The following DACH2 variants were observed in gnomAD, a reference collection of about 807,000 sequenced individuals.
DACH2 encodes dachshund family transcription factor 2.
Under a neutral mutation model 35.8 loss-of-function variants are expected in DACH2, and 17 were observed. That is an observed-to-expected ratio of 0.48 (90% confidence interval 0.33 to 0.71). The LOEUF is 0.71. Among genes scored for constraint, DACH2 ranks in the 30% least tolerant of loss-of-function variants. The pLI, the probability that DACH2 is intolerant of heterozygous loss-of-function variation, is 0.02. For synonymous variants in DACH2, 195 were observed against 177.3 expected, an observed-to-expected ratio of 1.10 and a Z score of -0.79; for missense variants, 469 against 472.7, an observed-to-expected ratio of 0.99 and a Z score of 0.07.
intron 11 of DACH2, 45 bp from the exon 12 acceptor site, chrX:86,832,061 A>G: frequency 2.1e-6 from 2 of 944,329 alleles, no homozygotes; most frequent in South Asian, 2.2e-5. Flanking sequence ...AGCACGTATC[A>G]GAATGACTCT....
At chrX:86,242,554 A>G (rs957453777) in intron 1 of DACH2, among the ~76,000 whole-genome samples, 1 of 111,454 alleles carries the variant, frequency 9.0e-6, no homozygotes, top group African/African-American at 3.3e-5. Flanking sequence ...ACTTATTTGG[A>G]CTTTTGAGTT....
chrX:86,617,246 C>T (rs368893937), intron 3 of DACH2, among the ~76,000 whole-genome samples: 7 of 110,334 alleles, frequency 6.3e-5, no homozygotes, highest in Admixed American at 4.8e-4. Flanking sequence ...GCTATTTAGG[C>T]TCTTTTTTTT....
chrX:86,282,774 C>CTTTTTTTTTTTTTTTT (rs746321715), intron 1 of DACH2, among the ~76,000 whole-genome samples: 1 of 37,753 alleles, frequency 2.6e-5, no homozygotes, highest in African/African-American at 3.1e-4. Flanking sequence ...ACAGACACTT[C>CTTTTTTTTTTTTTTTT]TTTTTTTTTT....
intron 2 of DACH2, among the ~76,000 whole-genome samples, chrX:86,492,976 G>A (rs1442184001): frequency 9.0e-6 from 1 of 111,066 alleles, no homozygotes; most frequent in South Asian, 3.8e-4. Flanking sequence ...TCAAGTAATC[G>A]AATTTCTGGG....
At chrX:86,419,024 C>T (rs2036756513) in intron 2 of DACH2, among the ~76,000 whole-genome samples, 1 of 111,642 alleles carries the variant, frequency 9.0e-6, no homozygotes, top group South Asian at 3.8e-4. Flanking sequence ...TGCCTTTGCT[C>T]CAGTTCCCAG....
intron 3 of DACH2, among the ~76,000 whole-genome samples, chrX:86,556,413 A>G (rs1056389759): frequency 1.8e-5 from 2 of 110,599 alleles, no homozygotes; most frequent in African/African-American, 6.6e-5. Context: ...TCACACTGCT[A>G]GTGAATCAGT....
Position 86,716,568 on chromosome X carries a change from G to A in DACH2, c.1104+1848G>A, listed in dbSNP as rs143248727. Among the ~76,000 whole-genome samples the A allele has an allele frequency of 3.6e-3, 402 of 111,280 alleles. 4 individuals are homozygous for A. The highest frequency in any genetic ancestry group is 0.013 in the African/African-American group (383 of 30,609). On this transcript the variant is annotated intron_variant, in intron 6 of 11. Coordinates refer to ENST00000373125, the MANE Select transcript of DACH2 (RefSeq NM_053281.3). ...CAAACAAAAGCACTTCAAAGTAATG[G>A]TATTGTTATACTGGCTTTGGAATGA...
At chrX:86,470,142 G>A (rs1443642662) in intron 2 of DACH2, among the ~76,000 whole-genome samples, 1 of 108,901 alleles carries the variant, frequency 9.2e-6, no homozygotes, top group East Asian at 2.8e-4. Context: ...ACAAAAAAGT[G>A]ATAAAAAGTC....
chrX:86,771,655 C>A (rs943127881), intron 7 of DACH2, among the ~76,000 whole-genome samples: 1 of 111,782 alleles, frequency 8.9e-6, no homozygotes, highest in African/African-American at 3.2e-5. Context: ...GAAAATGCAG[C>A]GTTCACAAAA....
At chrX:86,383,700 C>T (rs1280049631) in intron 2 of DACH2, among the ~76,000 whole-genome samples, 2 of 106,722 alleles carry the variant, frequency 1.9e-5, no homozygotes, top group Middle Eastern at 8.5e-3. Context: ...GGATTACCTA[C>T]ATTCTTGTCC....
chrX:86,815,918 C>A (rs2042446650), intron 10 of DACH2, 116 bp from the exon 11 acceptor site: 1 of 445,489 alleles, frequency 2.2e-6, no homozygotes, highest in Non-Finnish European at 3.4e-6. Flanking sequence ...ACAAAAATGC[C>A]ACCCAAGGTC....
At chrX:86,424,541 C>G (rs1022354648) in intron 2 of DACH2, among the ~76,000 whole-genome samples, 4 of 111,625 alleles carry the variant, frequency 3.6e-5, no homozygotes, top group African/African-American at 1.3e-4. Context: ...ATCCTGCCAA[C>G]TTACTGAATT....
chrX:86,781,006 G>T (rs1371360933), intron 7 of DACH2, among the ~76,000 whole-genome samples: 1 of 111,222 alleles, frequency 9.0e-6, no homozygotes, highest in African/African-American at 3.3e-5. Flanking sequence ...GGCAAGAAAG[G>T]TTCATCAGAG....
chrX:86,281,579 G>C (rs1189206069), intron 1 of DACH2, among the ~76,000 whole-genome samples: 1 of 110,978 alleles, frequency 9.0e-6, no homozygotes, highest in Admixed American at 9.6e-5. Context: ...CCTTCCCTTT[G>C]AAAACTGGCA....
chrX:86,383,537 G>A (rs1037732733), intron 2 of DACH2, among the ~76,000 whole-genome samples: 2 of 101,483 alleles, frequency 2.0e-5, no homozygotes, highest in African/African-American at 3.6e-5. Context: ...CCATGGACAC[G>A]TTTGTCTTGA....
intron 2 of DACH2, among the ~76,000 whole-genome samples, chrX:86,471,078 A>G (rs1318757197): frequency 8.9e-6 from 1 of 111,866 alleles, no homozygotes; most frequent in Non-Finnish European, 1.9e-5. Flanking sequence ...ACAGTTAACA[A>G]TTAAACTAGA....
intron 3 of DACH2, among the ~76,000 whole-genome samples, chrX:86,613,994 A>G (rs776034449): frequency 2.0e-4 from 22 of 112,198 alleles, no homozygotes; most frequent in Non-Finnish European, 3.2e-4. Context: ...CCATGCACAT[A>G]TTCAAATATT....
chrX:86,748,003 T>C (rs2041731718), intron 7 of DACH2, among the ~76,000 whole-genome samples: 1 of 112,390 alleles, frequency 8.9e-6, no homozygotes, highest in Admixed American at 9.5e-5. Flanking sequence ...ATATTCCGTC[T>C]CAGTAAACCA....
rs550027977 is a variant in DACH2, at chrX:86,780,081, C to A, written c.1241-32775C>A. ...AGAAGTGATTAAGCTGAGCCCTCAC[C>A]CCCTGAAATCTTCCAGAAATGAAAC... On this transcript the variant is annotated intron_variant, in intron 7 of 11. Transcript: ENST00000373125. 1.7e-4 allele frequency among the ~76,000 whole-genome samples: 19 copies of A among 109,519 alleles called. No individual in the cohort carries two copies. In the South Asian group the frequency reaches 2.8e-3, roughly 16 times the overall value.
Sources: allele counts gnomAD v4.1 joint callset (sites outside exome capture counted in the v4.1 genomes callset), GRCh38; gene constraint gnomAD v4.1.1; transcripts MANE v1.5; gene names NCBI Gene and HGNC (gene_info 2026-07-23, HGNC 2026-07-21).